RNF38: variants seen among roughly 807,000 people sequenced by gnomAD.
The protein encoded by RNF38 is ring finger protein 38.
In RNF38, 15 loss-of-function variants were observed where a neutral mutation model predicts 67.2. The observed-to-expected ratio is 0.22, with a 90% CI of 0.15 to 0.34. RNF38 has a LOEUF of 0.34. Among genes scored for constraint, RNF38 ranks in the 10% least tolerant of loss-of-function variants. The pLI is 1.00. For missense variants in RNF38, 524 were observed against 639.9 expected, an observed-to-expected ratio of 0.82 and a Z score of 1.95; for synonymous variants, 220 against 218.8, an observed-to-expected ratio of 1.01 and a Z score of -0.05.
intron 4 of RNF38, among the ~76,000 whole-genome samples, chr9:36,361,967 C>T (rs1439355143): frequency 1.3e-5 from 2 of 152,188 alleles, no homozygotes; most frequent in Non-Finnish European, 2.9e-5. Context: ...GTTACAACTA[C>T]TGCTTGGCTG....
chr9:36,367,671 C>G (rs921214106), intron 4 of RNF38, among the ~76,000 whole-genome samples: 13 of 151,964 alleles, frequency 8.6e-5, no homozygotes, highest in African/African-American at 3.1e-4. Flanking sequence ...TTATTTAAAA[C>G]TTTTTCATCT....
chr9:36,342,576 T>C, intron 10 of RNF38, 152 bp from the exon 11 acceptor site: 2 of 605,510 alleles, frequency 3.3e-6, no homozygotes, highest in Non-Finnish European at 5.8e-6. Flanking sequence ...AAAATTGTGA[T>C]GTTAAGGCAG....
intron 2 of RNF38, among the ~76,000 whole-genome samples, chr9:36,407,349 G>A (rs147552201): frequency 6.4e-4 from 97 of 152,292 alleles, no homozygotes; most frequent in African/African-American, 2.2e-3. Flanking sequence ...GGTGAGAGAT[G>A]ACTTGGACTG....
intron 11 of RNF38, among the ~76,000 whole-genome samples, chr9:36,341,865 T>A (rs1175755700): frequency 9.6e-4 from 3 of 3,120 alleles, no homozygotes; most frequent in African/African-American, 1.8e-3. Context: ...TATATATATA[T>A]AAAGAAGCCC....
At chr9:36,466,227 T>C (rs1347530453) in intron 1 of RNF38, among the ~76,000 whole-genome samples, 1 of 152,182 alleles carries the variant, frequency 6.6e-6, no homozygotes, top group Non-Finnish European at 1.5e-5. Context: ...AGAAAGTAGA[T>C]AGCTGTTGCC....
intron 1 of RNF38, among the ~76,000 whole-genome samples, chr9:36,454,580 C>CTTTTTTTTTTTT (rs377679133): frequency 8.9e-6 from 1 of 112,466 alleles, no homozygotes. Flanking sequence ...CATTAATTTA[C>CTTTTTTTTTTTT]TTTTTTTTTT....
chr9:36,423,628 G>GAAATATTTA (rs1382492089), intron 2 of RNF38, among the ~76,000 whole-genome samples: 2 of 152,160 alleles, frequency 1.3e-5, no homozygotes, highest in African/African-American at 4.8e-5. Context: ...TACTGCAAGG[G>GAAATATTTA]CTGGGCCGTC....
At chr9:36,350,702 C>T (rs1008078912) in intron 9 of RNF38, among the ~76,000 whole-genome samples, 1 of 152,246 alleles carries the variant, frequency 6.6e-6, no homozygotes, top group Non-Finnish European at 1.5e-5. Flanking sequence ...GAGCACCAAT[C>T]TACCTACCTG....
chr9:36,390,553 C>A lies in RNF38; in HGVS notation c.76G>T (p.Val26Leu). Reference protein sequence around the residue: ...GHPNKVICERVRLQSLFPLLP... With the variant: ...GHPNKVICERLRLQSLFPLLP... ...AGAGGGAACAGGCTCTGAAGTCTCA[C>A]CCTTTCACAAATCACCTTGTTAGGA... The change falls in exon 2 of 12, where the codon GTG (valine) becomes TTG (leucine). Residue 26 changes from valine to leucine, a missense_variant. Around this residue, in one of 2 missense-constraint regions of RNF38, gnomAD observed 461 missense variants for 517.4 expected, o/e 0.89. Transcript: ENST00000259605. The A allele has an allele frequency of 6.2e-7, 1 of 1,614,048 alleles. No homozygotes were observed. Among genetic ancestry groups the A allele is most frequent in the Non-Finnish European group, 8.5e-7 (1 of 1,179,966 alleles).
chr9:36,340,700 A>C (rs1340242714), intron 11 of RNF38, among the ~76,000 whole-genome samples: 3 of 152,196 alleles, frequency 2.0e-5, no homozygotes, highest in Non-Finnish European at 4.4e-5. Context: ...GAATGAAGTC[A>C]CAGAAAACAT....
intron 2 of RNF38, among the ~76,000 whole-genome samples, chr9:36,412,846 G>T (rs1028906339): frequency 1.3e-5 from 2 of 152,186 alleles, no homozygotes; most frequent in African/African-American, 4.8e-5. Flanking sequence ...GCCAAGGCGG[G>T]TGGATCACCT....
intron 2 of RNF38, among the ~76,000 whole-genome samples, chr9:36,412,624 C>T (rs1838355248): frequency 1.3e-5 from 2 of 152,168 alleles, no homozygotes; most frequent in Admixed American, 6.5e-5. Context: ...TGGTAGTCCA[C>T]GAAAGATCTG....
At chr9:36,371,938 T>C (rs1835410056) in intron 3 of RNF38, among the ~76,000 whole-genome samples, 1 of 151,358 alleles carries the variant, frequency 6.6e-6, no homozygotes, top group South Asian at 2.1e-4. Flanking sequence ...TCTTTTCTTT[T>C]TTTTTTTTTT....
At chr9:36,420,530 T>C (rs1344097834) in intron 2 of RNF38, among the ~76,000 whole-genome samples, 2 of 28,210 alleles carry the variant, frequency 7.1e-5, no homozygotes, top group Admixed American at 2.5e-4. Context: ...AGACTCTGTC[T>C]CCAAAAAAAA....
intron 8 of RNF38, 125 bp downstream of exon 8, chr9:36,352,617 C>G: frequency 1.3e-6 from 1 of 766,310 alleles, no homozygotes; most frequent in East Asian, 2.7e-5. Flanking sequence ...CCACCCCACC[C>G]TTTAACATTA....
At chr9:36,355,255 T>G (rs776183475) in intron 6 of RNF38, among the ~76,000 whole-genome samples, 1 of 152,212 alleles carries the variant, frequency 6.6e-6, no homozygotes, top group Non-Finnish European at 1.5e-5. Flanking sequence ...TCCACAGAGC[T>G]GAAATCTTCC....
intron 2 of RNF38, among the ~76,000 whole-genome samples, chr9:36,389,323 G>A (rs1489459369): frequency 6.8e-6 from 1 of 146,934 alleles, no homozygotes; most frequent in Non-Finnish European, 1.5e-5. Flanking sequence ...AAAACACAAA[G>A]GGAGTATGGA....
At position 36,344,967 on chromosome 9, in the gene RNF38, A is replaced by G; in HGVS notation, c.1264-14T>C. 1 of 1,597,786 alleles carries G rather than the reference A, an allele frequency of 6.3e-7. No homozygotes were observed. Among genetic ancestry groups the G allele is most frequent in the African/African-American group, 1.3e-5 (1 of 74,326 alleles). On this transcript the variant is annotated splice_polypyrimidine_tract_variant and intron_variant, in intron 9 of 11. Coordinates refer to ENST00000259605, the MANE Select transcript of RNF38 (RefSeq NM_022781.5). ...GTTTAACAGGGCCTGCAGCGGTAAA[A>G]GACGACATATTTTCATCTATCTTTA...
chr9:36,457,883 A>T (rs181625530), intron 1 of RNF38, among the ~76,000 whole-genome samples: 12 of 152,332 alleles, frequency 7.9e-5, no homozygotes, highest in Admixed American at 6.5e-4. Context: ...GGAGGTCTAC[A>T]AACTCCCTAA....
Sources: gnomAD v4.1 joint callset for allele counts (sites outside exome capture counted in the v4.1 genomes callset) on GRCh38, gnomAD v4.1.1 for gene constraint, gnomAD v4.1.1 regional missense constraint, MANE v1.5 for transcripts, NCBI Gene and HGNC (gene_info 2026-07-23, HGNC 2026-07-21) for gene names.